SKI: variants seen among roughly 807,000 people sequenced by gnomAD.
SKI encodes the protein SKI proto-oncogene.
In SKI, 23 loss-of-function variants were observed where a neutral mutation model predicts 59.3. The ratio of observed to expected loss-of-function variants is 0.39; its 90% CI spans 0.28 to 0.55. The LOEUF (loss-of-function observed/expected upper bound fraction) is 0.55, where lower values mean the gene tolerates loss of function less well. Ranked by LOEUF, SKI falls within the 20% of genes least tolerant of loss-of-function variation. SKI has a pLI of 0.67. For missense variants in SKI, 1,017 were observed against 1,038.9 expected, an observed-to-expected ratio of 0.98 and a Z score of 0.29; for synonymous variants, 673 against 488.6, an observed-to-expected ratio of 1.38 and a Z score of -4.98.
chr1:2,305,133 A>G (rs1468286364), intron 5 of SKI, among the ~76,000 whole-genome samples: 1 of 152,180 alleles, frequency 6.6e-6, no homozygotes, highest in Non-Finnish European at 1.5e-5. Context: ...CGGCCCGCAC[A>G]GACACACACA....
intron 1 of SKI, among the ~76,000 whole-genome samples, chr1:2,238,644 C>G (rs1246081264): frequency 1.3e-5 from 2 of 152,218 alleles, no homozygotes; most frequent in African/African-American, 4.8e-5. Context: ...GAGGAGCACA[C>G]TGGACAGGGC....
At chr1:2,305,433 C>T (rs71630972) in intron 5 of SKI, among the ~76,000 whole-genome samples, 1 of 152,160 alleles carries the variant, frequency 6.6e-6, no homozygotes, top group East Asian at 1.9e-4. Context: ...CCGACGTGCC[C>T]TCCTGCGCGT....
chr1:2,234,406 C>T (rs1038592188), intron 1 of SKI, among the ~76,000 whole-genome samples: 11 of 152,344 alleles, frequency 7.2e-5, no homozygotes, highest in Non-Finnish European at 1.2e-4. Flanking sequence ...CTAGTCCTCT[C>T]TTTCAGCATC....
In SKI at chr1:2,303,824, C is replaced by T. The variant is rs1281463074; in HGVS notation, c.1212-16C>T. Reference sequence around the variant, plus strand: ...GGGGACAGAGGCACCTTCCCGACACCCGCCTGCCCCTCCAGCTTCTACTCC... The same window carrying T: ...GGGGACAGAGGCACCTTCCCGACACTCGCCTGCCCCTCCAGCTTCTACTCC... On this transcript the variant is annotated splice_polypyrimidine_tract_variant and intron_variant, in intron 3 of 6. Coordinates refer to ENST00000378536, the MANE Select transcript of SKI (RefSeq NM_003036.4). This position sits in a 1 kb window ranked among gnomAD's most constrained non-coding sequence, Gnocchi z 5.6. 6 of 1,611,742 alleles carry T rather than the reference C, an allele frequency of 3.7e-6. No individual in the cohort carries two copies. The highest frequency in any genetic ancestry group is 1.1e-5 in the South Asian group (1 of 90,952).
intron 1 of SKI, among the ~76,000 whole-genome samples, chr1:2,291,636 C>G (rs1199931565): frequency 6.6e-6 from 1 of 151,778 alleles, no homozygotes; most frequent in Non-Finnish European, 1.5e-5. Flanking sequence ...AGCCCCCACC[C>G]TCCTTCCAGC....
intron 1 of SKI, among the ~76,000 whole-genome samples, chr1:2,275,965 C>T (rs1258159510): frequency 2.0e-5 from 3 of 152,196 alleles, no homozygotes; most frequent in Non-Finnish European, 2.9e-5. Flanking sequence ...AGGCCCTACA[C>T]TCCTGAAGGG....
rs201620420 is a variant in SKI, at chr1:2,255,756, C to T, written c.969+26021C>T. On this transcript the variant is annotated intron_variant, in intron 1 of 6. Coordinates refer to ENST00000378536, the MANE Select transcript of SKI (RefSeq NM_003036.4). Reference sequence around the variant, plus strand: ...CATTTCCTGTCTGTGCCACTTTGTCCGGACCTCATTTTCTGTCTGGAGCAC... The same window carrying T: ...CATTTCCTGTCTGTGCCACTTTGTCTGGACCTCATTTTCTGTCTGGAGCAC... Among the ~76,000 whole-genome samples, 140 of 148,160 alleles carry T rather than the reference C, an allele frequency of 9.4e-4. 1 individual carries two copies. Among genetic ancestry groups the T allele is most frequent in the East Asian group, 1.9e-3 (9 of 4,840 alleles).
chr1:2,250,198 A>G (rs1639110248), intron 1 of SKI, among the ~76,000 whole-genome samples: 1 of 152,120 alleles, frequency 6.6e-6, no homozygotes. Context: ...GAGCCATCGC[A>G]CCTGGCCATG....
At chr1:2,248,412 A>C (rs1435375329) in intron 1 of SKI, among the ~76,000 whole-genome samples, 1 of 152,162 alleles carries the variant, frequency 6.6e-6, no homozygotes, top group Admixed American at 6.5e-5. Context: ...CTAACTGTTG[A>C]ATATTAATGA....
At chr1:2,233,190 G>A (rs1301024730) in intron 1 of SKI, among the ~76,000 whole-genome samples, 1 of 150,456 alleles carries the variant, frequency 6.6e-6, no homozygotes, top group Non-Finnish European at 1.5e-5. Context: ...CCAAGGGGGG[G>A]TCCTGCTCCG....
At chr1:2,286,926 T>C (rs1478899866) in intron 1 of SKI, among the ~76,000 whole-genome samples, 1 of 152,250 alleles carries the variant, frequency 6.6e-6, no homozygotes, top group African/African-American at 2.4e-5. Flanking sequence ...AAAGAACATC[T>C]TATCAAAGGT....
chr1:2,283,933 T>C (rs969094188), intron 1 of SKI, among the ~76,000 whole-genome samples: 5 of 152,172 alleles, frequency 3.3e-5, no homozygotes, highest in African/African-American at 1.2e-4. Flanking sequence ...GTCCCCTTCC[T>C]GCAGGAGGCG....
chr1:2,306,316 C>T (rs549446879), intron 6 of SKI, 66 bp downstream of exon 6: 8 of 1,369,746 alleles, frequency 5.8e-6, no homozygotes, highest in Middle Eastern at 2.6e-4. Flanking sequence ...GCCCCGGTGG[C>T]CAGTCCTGCC....
chr1:2,301,143 C>T (rs1349543415), intron 1 of SKI, among the ~76,000 whole-genome samples: 1 of 152,208 alleles, frequency 6.6e-6, no homozygotes, highest in Admixed American at 6.5e-5. Context: ...GCGTCCTCGG[C>T]CTTCTGTGCC....
intron 1 of SKI, among the ~76,000 whole-genome samples, chr1:2,245,266 C>T (rs1363568881): frequency 6.6e-6 from 1 of 152,126 alleles, no homozygotes; most frequent in African/African-American, 2.4e-5. Flanking sequence ...TCACAGTCTC[C>T]TTCCTTCTCA....
intron 1 of SKI, among the ~76,000 whole-genome samples, chr1:2,234,689 C>G (rs1256613652): frequency 6.6e-6 from 1 of 152,230 alleles, no homozygotes; most frequent in African/African-American, 2.4e-5. Context: ...CTCTCTGTGG[C>G]AATAATGTGT....
At chr1:2,264,418 G>A (rs1481841916) in intron 1 of SKI, among the ~76,000 whole-genome samples, 2 of 151,932 alleles carry the variant, frequency 1.3e-5, no homozygotes, top group South Asian at 2.1e-4. Flanking sequence ...ACAGGCACCC[G>A]CCACCACACC....
intron 1 of SKI, among the ~76,000 whole-genome samples, chr1:2,282,540 A>C (rs1639916589): frequency 1.3e-5 from 2 of 152,040 alleles, no homozygotes; most frequent in African/African-American, 2.4e-5. Flanking sequence ...AGATCTTCAG[A>C]AAGAAAGCCC....
At chr1:2,289,389 C>T (rs1182943231) in intron 1 of SKI, among the ~76,000 whole-genome samples, 1 of 152,048 alleles carries the variant, frequency 6.6e-6, no homozygotes, top group Admixed American at 6.6e-5. Context: ...GAGGGCTGGT[C>T]ACCACGTGGC....
Sources: allele counts gnomAD v4.1 joint callset (sites outside exome capture counted in the v4.1 genomes callset), GRCh38; gene constraint gnomAD v4.1.1; non-coding constraint Gnocchi (gnomAD v3.1); transcripts MANE v1.5; gene names NCBI Gene and HGNC (gene_info 2026-07-23, HGNC 2026-07-21).